The following SS18L2 variants were observed in gnomAD, a reference collection of about 807,000 sequenced individuals.
SS18L2 encodes the protein SS18 like 2.
Under a neutral mutation model 10.3 loss-of-function variants are expected in SS18L2, and 8 were observed. That is an observed-to-expected ratio of 0.78 (90% CI 0.46 to 1.41). SS18L2 has a LOEUF of 1.41. Among genes scored for constraint, SS18L2 ranks in the 40% most tolerant of loss-of-function variants. SS18L2 has a pLI of 0.00. For missense variants in SS18L2, 100 were observed against 96.2 expected (o/e 1.04, Z -0.17); for synonymous variants, 41 against 34.6 (o/e 1.19, Z -0.65).
In SS18L2 at chr3:42,591,578, G is replaced by C. The variant is rs761148932; in HGVS notation, c.123G>C (p.Lys41Asn). 1 of 1,613,990 alleles carries C rather than the reference G, an allele frequency of 6.2e-7. No individual in the cohort carries two copies. The highest frequency in any genetic ancestry group is 8.5e-7 in the Non-Finnish European group (1 of 1,179,856). Reference sequence around the variant, plus strand: ...GCTGTATTGTGGAGTATCAGAACAAGGGCCGCGGGAACGAGTGCGTGCAGT... The same window carrying C: ...GCTGTATTGTGGAGTATCAGAACAACGGCCGCGGGAACGAGTGCGTGCAGT... ...LIRCIVEYQN[K>N]GRGNECVQYQ... The change falls in exon 2 of 3, where the codon AAG becomes AAC. Residue 41 changes from lysine to asparagine, a missense_variant. By Grantham distance (94) the Lys-to-Asn change is moderately conservative (BLOSUM62 0). Coordinates refer to ENST00000011691, the MANE Select transcript of SS18L2 (RefSeq NM_001370300.1).
intron 2 of SS18L2, among the ~76,000 whole-genome samples, chr3:42,592,428 G>A (rs1704883085): frequency 6.6e-6 from 1 of 152,098 alleles, no homozygotes; most frequent in African/African-American, 2.4e-5. Context: ...TCAAACTCCT[G>A]ACCTCAGATG....
intron 1 of SS18L2, chr3:42,591,206 T>TC (rs1559536557): frequency 6.8e-6 from 4 of 584,206 alleles, no homozygotes; most frequent in Non-Finnish European, 1.2e-5. Context: ...CTCTCCTTTT[T>TC]TTTTTTTTTT....
chr3:42,596,011 GGTTTT>G lies in SS18L2; in HGVS notation c.*1518_*1522del, dbSNP rs538642403. 1.0e-3 allele frequency among the ~76,000 whole-genome samples: 157 copies of G among 151,710 alleles called. No individual in the cohort carries two copies. The highest frequency in any genetic ancestry group is 2.8e-3 in the African/African-American group (115 of 41,400). On this transcript the variant is annotated 3_prime_UTR_variant, in exon 3 of 3. Coordinates refer to ENST00000011691, the MANE Select transcript of SS18L2 (RefSeq NM_001370300.1). ...CTTTTTTCTTTTTCTTCTTTTTTTT[GGTTTT>G]GTTTTGTTTTGTTTTTGTTTTTGTT...
At chr3:42,584,888 C>A (rs1339826963) in intron 1 of SS18L2, among the ~76,000 whole-genome samples, 1 of 152,076 alleles carries the variant, frequency 6.6e-6, no homozygotes, top group African/African-American at 2.4e-5. Flanking sequence ...ATAATCCCAG[C>A]ACTTTGGGAG....
At chr3:42,584,672 G>C (rs1274341530) in intron 1 of SS18L2, among the ~76,000 whole-genome samples, 2 of 152,202 alleles carry the variant, frequency 1.3e-5, no homozygotes, top group Non-Finnish European at 2.9e-5. Context: ...GTCTAAGATA[G>C]CCTCCAGGGT....
rs558604070 is a variant in SS18L2, at chr3:42,595,960, T to C, written c.*1451T>C. Among the ~76,000 whole-genome samples, 39 of 152,342 alleles carry C rather than the reference T, an allele frequency of 2.6e-4. No homozygotes were observed. The highest frequency in any genetic ancestry group is 9.4e-4 in the African/African-American group (39 of 41,576). ...GGCACATGTTAATCTATGTTAGCAC[T>C]AATGTGCTGAGGGCTCTGGCTCTTT... On this transcript the variant is annotated 3_prime_UTR_variant, in exon 3 of 3. Transcript: ENST00000011691.
rs141991936 is a variant in SS18L2, at chr3:42,596,609, C to T, written c.*2100C>T. Among the ~76,000 whole-genome samples, 3 of 152,344 alleles carry T rather than the reference C, an allele frequency of 2.0e-5. No homozygotes were observed. Among genetic ancestry groups the T allele is most frequent in the African/African-American group, 7.2e-5 (3 of 41,584 alleles). On this transcript the variant is annotated 3_prime_UTR_variant, in exon 3 of 3. Transcript: ENST00000011691. ...ATTTTGGTTGATACTAGCCCTAGGC[C>T]TGCCTTGTCCCAGGAGTTTCTTCAC...
In SS18L2 at chr3:42,594,662, G is replaced by A; in HGVS notation, c.*153G>A. 3.4e-6 allele frequency: 2 copies of A among 587,212 alleles called. No individual in the cohort carries two copies. Among genetic ancestry groups the A allele is most frequent in the South Asian group, 2.4e-5 (1 of 41,026 alleles). 36.4% of individuals were successfully genotyped at this position (587,212 alleles called of 1,614,324 possible). A position where few individuals can be genotyped will look rare whatever the true frequency, so the allele number is the denominator to read the frequency against. On this transcript the variant is annotated 3_prime_UTR_variant, in exon 3 of 3. Coordinates refer to ENST00000011691, the MANE Select transcript of SS18L2 (RefSeq NM_001370300.1). ...TGTGGCTCTTTCGAAACGTGAAAATGTGAAGAAAGCTACTAACTTAGCTGT... is the reference window on the plus strand; with the variant it reads ...TGTGGCTCTTTCGAAACGTGAAAATATGAAGAAAGCTACTAACTTAGCTGT...
At chr3:42,586,054 T>C (rs2125736054), upstream of SS18L2, among the ~76,000 whole-genome samples, 1 of 152,232 alleles carries the variant, frequency 6.6e-6, no homozygotes, top group Middle Eastern at 3.4e-3. Flanking sequence ...ACCACCTTCT[T>C]TCCCCTCTCC....
At chr3:42,591,781 C>G (rs1289329674) in intron 2 of SS18L2, among the ~76,000 whole-genome samples, 180 bp downstream of exon 2, 2 of 152,190 alleles carry the variant, frequency 1.3e-5, no homozygotes, top group Non-Finnish European at 2.9e-5. Flanking sequence ...GAGTACACTG[C>G]GGAGCCTGGA....
chr3:42,590,341 G>A (rs1183599363), upstream of SS18L2, among the ~76,000 whole-genome samples: 1 of 152,126 alleles, frequency 6.6e-6, no homozygotes, highest in African/African-American at 2.4e-5. Context: ...GGGTGAAGCC[G>A]AGCAAACCGC....
In SS18L2 at chr3:42,590,872, G is replaced by A. The variant is rs773866808; in HGVS notation, c.-26G>A. 1.2e-6 allele frequency: 2 copies of A among 1,613,634 alleles called. No homozygotes were observed. Among genetic ancestry groups the A allele is most frequent in the Admixed American group, 3.3e-5 (2 of 60,006 alleles). On this transcript the variant is annotated 5_prime_UTR_variant, in exon 1 of 3. Coordinates refer to ENST00000011691, the MANE Select transcript of SS18L2 (RefSeq NM_001370300.1). ...CCTATCGTGGGTCGAGTTGCTTGGC[G>A]GTCGTGGTTCCGGAGGTTCCTCGGG...
chr3:42,593,357 C>T (rs993130373), intron 2 of SS18L2, among the ~76,000 whole-genome samples: 2 of 152,182 alleles, frequency 1.3e-5, no homozygotes, highest in African/African-American at 4.8e-5. Context: ...GTGGAGGTTG[C>T]AGTGAGCCAA....
chr3:42,594,309 T>C, intron 2 of SS18L2, 113 bp from the exon 3 acceptor site: 1 of 738,404 alleles, frequency 1.4e-6, no homozygotes. Flanking sequence ...TAACACTGAA[T>C]CATCCAGTCA....
At chr3:42,581,877 G>C (rs906045764) in exon 1 of SS18L2, 1 of 152,218 alleles carries the variant, frequency 6.6e-6, no homozygotes, top group Non-Finnish European at 1.5e-5. Context: ...GGAAGTCGGC[G>C]CCTGCCAGCT....
intron 1 of SS18L2, among the ~76,000 whole-genome samples, chr3:42,585,213 C>A (rs1195258167): frequency 6.6e-6 from 1 of 152,226 alleles, no homozygotes; most frequent in African/African-American, 2.4e-5. Context: ...TGCTTTAGAA[C>A]AGGACCTTAC....
chr3:42,595,343 G>T lies in SS18L2; in HGVS notation c.*834G>T, dbSNP rs532070137. Among the ~76,000 whole-genome samples the T allele has an allele frequency of 3.3e-5, 5 of 152,192 alleles. No homozygotes were observed. Among genetic ancestry groups the T allele is most frequent in the African/African-American group, 1.2e-4 (5 of 41,524 alleles). On this transcript the variant is annotated 3_prime_UTR_variant, in exon 3 of 3. Transcript: ENST00000011691. ...GGTGTTTACCCTAGAATTCTCTCGTGTTCTACATACAGTTGTATCTCTGTA... is the reference window on the plus strand; with the variant it reads ...GGTGTTTACCCTAGAATTCTCTCGTTTTCTACATACAGTTGTATCTCTGTA...
chr3:42,591,182 T>C, intron 1 of SS18L2: 10 of 591,376 alleles, frequency 1.7e-5, no homozygotes, highest in South Asian at 1.4e-4. Flanking sequence ...GACGTCACAC[T>C]GCACTAACCC....
chr3:42,587,782 T>C (rs1366910270), upstream of SS18L2, among the ~76,000 whole-genome samples: 1 of 150,778 alleles, frequency 6.6e-6, no homozygotes, highest in East Asian at 2.0e-4. Flanking sequence ...CTCAAAACCT[T>C]CGCTTTAGGC....
Sources: allele counts gnomAD v4.1 joint callset (sites outside exome capture counted in the v4.1 genomes callset), GRCh38; gene constraint gnomAD v4.1.1; transcripts MANE v1.5; gene names NCBI Gene and HGNC (gene_info 2026-07-23, HGNC 2026-07-21).